INSC: variants seen among roughly 807,000 people sequenced by gnomAD.
INSC encodes protein inscuteable homolog.
Under a neutral mutation model 58.6 loss-of-function variants are expected in INSC, and 67 were observed. The observed-to-expected ratio is 1.14, with a 90% CI of 0.94 to 1.40. The LOEUF is 1.40. INSC is among the 40% of genes most tolerant of loss of function. The pLI is 0.00. For missense variants in INSC, 714 were observed against 692.0 expected (o/e 1.03, Z -0.36); for synonymous variants, 262 against 276.1 (o/e 0.95, Z 0.51).
intron 1 of INSC, among the ~76,000 whole-genome samples, chr11:15,128,211 T>G (rs1469668848): frequency 6.6e-6 from 1 of 152,224 alleles, no homozygotes; most frequent in African/African-American, 2.4e-5. Context: ...GTTAGGACCC[T>G]GTCTTCTGGA....
chr11:15,161,946 G>T (rs1450319466), intron 2 of INSC, among the ~76,000 whole-genome samples: 5 of 152,196 alleles, frequency 3.3e-5, no homozygotes, highest in Non-Finnish European at 7.3e-5. Flanking sequence ...AGTATTTATA[G>T]CTTGTTACAT....
In INSC at chr11:15,149,243, G is replaced by A. The variant is rs1454442695; in HGVS notation, c.56+13G>A. On this transcript the variant is annotated intron_variant, in intron 2 of 12. Transcript: ENST00000379556. ...TGCCGGGTCAGCGGTAAGTCCTACAGCTGTCACTCCAGGCCAGGCCTGCCC... is the reference window on the plus strand; with the variant it reads ...TGCCGGGTCAGCGGTAAGTCCTACAACTGTCACTCCAGGCCAGGCCTGCCC... 3.8e-6 allele frequency: 6 copies of A among 1,576,694 alleles called. No individual in the cohort carries two copies. The highest frequency in any genetic ancestry group is 1.4e-5 in the African/African-American group (1 of 73,852).
chr11:15,121,738 A>C (rs1447415136), intron 1 of INSC, among the ~76,000 whole-genome samples: 1 of 152,210 alleles, frequency 6.6e-6, no homozygotes, highest in Non-Finnish European at 1.5e-5. Flanking sequence ...CTTTAAAAAA[A>C]TCTTTTCCCC....
At chr11:15,157,096 AG>A (rs1283088792) in intron 2 of INSC, among the ~76,000 whole-genome samples, 1 of 152,200 alleles carries the variant, frequency 6.6e-6, no homozygotes, top group Admixed American at 6.5e-5. Context: ...TGCAATGAAA[AG>A]GGCTACTTGA....
At chr11:15,266,552 C>G in the INSC span, among the ~76,000 whole-genome samples, 9 of 152,100 alleles carry the variant, frequency 5.9e-5, no homozygotes, top group African/African-American at 2.2e-4. Context: ...ACCTTGGCTA[C>G]TATAGCAGAC....
chr11:15,125,011 G>A (rs111944044), intron 1 of INSC, among the ~76,000 whole-genome samples: 1,732 of 152,258 alleles, frequency 0.011, 33 homozygotes, highest in African/African-American at 0.039. Flanking sequence ...TGGGAAGATG[G>A]ACTGTAAACA....
At chr11:15,154,802 C>A (rs193157196) in intron 2 of INSC, among the ~76,000 whole-genome samples, 181 of 130,472 alleles carry the variant, frequency 1.4e-3, no homozygotes, top group African/African-American at 4.6e-3. Flanking sequence ...TGCTTTTGTC[C>A]CTTTTTTTTT....
At chr11:15,167,342 C>T (rs1032158243) in intron 2 of INSC, among the ~76,000 whole-genome samples, 2 of 151,990 alleles carry the variant, frequency 1.3e-5, no homozygotes, top group South Asian at 2.1e-4. Context: ...TAGAGGTAGG[C>T]GGAGGCAAGG....
intron 2 of INSC, among the ~76,000 whole-genome samples, chr11:15,159,835 T>C (rs1201229509): frequency 6.6e-6 from 1 of 152,254 alleles, no homozygotes; most frequent in Non-Finnish European, 1.5e-5. Context: ...ATCCACATGA[T>C]AATTGGCATA....
intron 6 of INSC, 78 bp downstream of exon 6, chr11:15,190,892 G>A (rs1850143813): frequency 1.1e-6 from 1 of 949,436 alleles, no homozygotes; most frequent in South Asian, 1.3e-5. Flanking sequence ...GGGAATAGCT[G>A]GCTCACGAGG....
intron 1 of INSC, among the ~76,000 whole-genome samples, chr11:15,128,127 A>G (rs1441147503): frequency 1.3e-5 from 2 of 152,162 alleles, no homozygotes; most frequent in Non-Finnish European, 2.9e-5. Flanking sequence ...GAGTTGAAAA[A>G]AAAAACATTT....
chr11:15,233,390 G>T (rs184848972), intron 9 of INSC, among the ~76,000 whole-genome samples: 1 of 152,218 alleles, frequency 6.6e-6, no homozygotes, highest in Non-Finnish European at 1.5e-5. Flanking sequence ...CCATGGACTT[G>T]ACTGTGAGGA....
At chr11:15,139,647 T>C (rs1848322553) in intron 1 of INSC, among the ~76,000 whole-genome samples, 1 of 152,222 alleles carries the variant, frequency 6.6e-6, no homozygotes, top group Non-Finnish European at 1.5e-5. Context: ...AGCATTCTTA[T>C]TTTATCCTTA....
chr11:15,262,933 A>C, the INSC span, among the ~76,000 whole-genome samples: 6 of 152,164 alleles, frequency 3.9e-5, no homozygotes, highest in Non-Finnish European at 7.4e-5. Context: ...CATCAGATAC[A>C]GAATATGAAT....
At chr11:15,143,537 C>T (rs1564866841) in intron 1 of INSC, among the ~76,000 whole-genome samples, 1 of 152,108 alleles carries the variant, frequency 6.6e-6, no homozygotes, top group Non-Finnish European at 1.5e-5. Flanking sequence ...GGCAAGTAGG[C>T]CATGGCAGGG....
the INSC span, among the ~76,000 whole-genome samples, chr11:15,266,735 A>G: frequency 6.6e-6 from 1 of 151,996 alleles, no homozygotes; most frequent in African/African-American, 2.4e-5. Context: ...AAAGTGGAAA[A>G]GGTCTCTGAA....
At chr11:15,114,318 C>G (rs10832363), upstream of INSC, among the ~76,000 whole-genome samples, 144,720 of 151,978 alleles carry the variant, frequency 0.95, 69,324 homozygotes, top group East Asian at 1. Flanking sequence ...AACAACCCCT[C>G]GTCATTTTTG....
intron 2 of INSC, among the ~76,000 whole-genome samples, chr11:15,170,855 A>C (rs1849372703): frequency 1.3e-5 from 2 of 152,194 alleles, no homozygotes; most frequent in South Asian, 4.1e-4. Flanking sequence ...AGGCACCCAG[A>C]TGGATTCATA....
intron 8 of INSC, among the ~76,000 whole-genome samples, chr11:15,223,054 G>C (rs989374140): frequency 6.6e-6 from 1 of 152,200 alleles, no homozygotes; most frequent in African/African-American, 2.4e-5. Flanking sequence ...AAGAGAGCCA[G>C]GTGGAAGAAT....
Sources: gnomAD v4.1 joint callset for allele counts (sites outside exome capture counted in the v4.1 genomes callset) on GRCh38, gnomAD v4.1.1 for gene constraint, MANE v1.5 for transcripts, NCBI Gene and HGNC (gene_info 2026-07-23, HGNC 2026-07-21) for gene names.